VPS13B: variants seen among roughly 807,000 people sequenced by gnomAD.
VPS13B encodes the protein vacuolar protein sorting 13 homolog B.
In VPS13B, 285 loss-of-function variants were observed where a neutral mutation model predicts 426.4. The ratio of observed to expected loss-of-function variants is 0.67; its 90% CI spans 0.61 to 0.74. The LOEUF (loss-of-function observed/expected upper bound fraction) is 0.74. VPS13B is among the 30% of genes least tolerant of loss of function. The pLI, the probability that VPS13B is intolerant of heterozygous loss-of-function variation, is 0.00. For synonymous variants in VPS13B, 1,676 were observed against 1,676.4 expected, an observed-to-expected ratio of 1.00 and a Z score of 0.01; for missense variants, 4,537 against 4,782.6, an observed-to-expected ratio of 0.95 and a Z score of 1.51.
intron 4 of VPS13B, among the ~76,000 whole-genome samples, chr8:99,097,803 T>A (rs1490847760): frequency 6.6e-6 from 1 of 152,120 alleles, no homozygotes; most frequent in Non-Finnish European, 1.5e-5. Flanking sequence ...AAGATACACA[T>A]TGACTTTGTA....
At chr8:99,048,814 C>CAAA (rs60561427) in intron 3 of VPS13B, among the ~76,000 whole-genome samples, 15 of 146,380 alleles carry the variant, frequency 1.0e-4, no homozygotes, top group Non-Finnish European at 2.0e-4. Context: ...AACTCTGTCT[C>CAAA]AAAAAAAAAA....
intron 36 of VPS13B, among the ~76,000 whole-genome samples, chr8:99,704,042 G>A (rs1832398123): frequency 1.3e-5 from 2 of 152,086 alleles, no homozygotes; most frequent in African/African-American, 4.8e-5. Context: ...AGTCAGAATA[G>A]GGAAGAAGTT....
At chr8:99,821,860 C>T (rs182484653) in intron 50 of VPS13B, among the ~76,000 whole-genome samples, 2 of 152,176 alleles carry the variant, frequency 1.3e-5, no homozygotes, top group Admixed American at 6.5e-5. Flanking sequence ...GACAAAGGCT[C>T]CTCCTGCAGC....
At chr8:99,664,912 T>G (rs1046103019) in intron 35 of VPS13B, among the ~76,000 whole-genome samples, 7 of 152,202 alleles carry the variant, frequency 4.6e-5, no homozygotes, top group Non-Finnish European at 1.0e-4. Flanking sequence ...CACAATGGTT[T>G]AACTAGTTTA....
Position 99,038,470 on chromosome 8 carries a change from GAGGAT to G in VPS13B, c.196_200del (p.Arg66SerfsTer26). On this transcript the variant is annotated frameshift_variant, in exon 3 of 62. Transcript: ENST00000357162. LOFTEE classifies it high-confidence loss of function. The stretch of plus-strand genomic sequence containing the variant: ...TTTTAAGTGGACATATTCATGAATT[GAGGAT>G]TCATGTACCATGGACAAAACTGGGT... 6.2e-7 allele frequency: 1 copy of G among 1,608,944 alleles called. No individual in the cohort carries two copies. Among genetic ancestry groups the G allele is most frequent in the Non-Finnish European group, 8.5e-7 (1 of 1,176,766 alleles).
rs555207447 is a variant in VPS13B at position 99,859,424 on chromosome 8, C to T, written c.10988C>T (p.Ala3663Val). Residue 3663 changes from alanine (A) to valine (V), a missense_variant, in exon 57 of 62, where the codon GCC (alanine) becomes GTC (valine). Around this residue, in one of 2 missense-constraint regions of VPS13B, gnomAD observed 4,311 missense variants for 4,474.3 expected, o/e 0.96. Transcript: ENST00000357162. ...PYEGLTRGPG[A>V]FVSGVSRGTT... ...GAGGGGCTGACCCGGGGCCCTGGAG[C>T]CTTCGTGAGTGGCGTCTCCAGAGGG... The T allele has an allele frequency of 6.2e-7, 1 of 1,614,122 alleles. No individual in the cohort carries two copies. The highest frequency in any genetic ancestry group is 8.5e-7 in the Non-Finnish European group (1 of 1,180,034).
chr8:99,637,125 T>C (rs751837014), intron 33 of VPS13B, among the ~76,000 whole-genome samples: 7 of 152,038 alleles, frequency 4.6e-5, no homozygotes, highest in Non-Finnish European at 5.9e-5. Context: ...ACAAGTTACT[T>C]TCAGAGTTAT....
chr8:99,326,451 G>GTTTTTTTTTTT (rs1563669420), intron 19 of VPS13B, among the ~76,000 whole-genome samples: 1 of 19,744 alleles, frequency 5.1e-5, no homozygotes, highest in Non-Finnish European at 1.0e-4. Context: ...TCTCTAGGTA[G>GTTTTTTTTTTT]CTTTTTTTTT....
At chr8:99,099,724 A>G (rs1317565830) in intron 4 of VPS13B, among the ~76,000 whole-genome samples, 10 of 152,224 alleles carry the variant, frequency 6.6e-5, no homozygotes, top group Non-Finnish European at 1.5e-4. Context: ...CTGAACAAGA[A>G]GTGCGAATGG....
In VPS13B at chr8:99,279,015, T is replaced by C. The variant is rs1179560245; in HGVS notation, c.2824+3761T>C. Among the ~76,000 whole-genome samples, 170 of 152,256 alleles carry C rather than the reference T, an allele frequency of 1.1e-3. 3 individuals are homozygous for C. Among genetic ancestry groups the C allele is most frequent in the Non-Finnish European group, 1.2e-4 (8 of 68,006 alleles). On this transcript the variant is annotated intron_variant, in intron 19 of 61. Coordinates refer to ENST00000357162, the MANE Select transcript of VPS13B (RefSeq NM_152564.5). ...ACAACAGGTCACATAGAGAAATAGA[T>C]GCTTCTCTGGTTCCTTTGTAGGTAG...
At chr8:99,585,135 G>A (rs1034297204) in intron 33 of VPS13B, among the ~76,000 whole-genome samples, 1 of 152,070 alleles carries the variant, frequency 6.6e-6, no homozygotes, top group African/African-American at 2.4e-5. Context: ...ATAAAGACGT[G>A]GAGGTTTCTA....
chr8:99,854,300 T>C, intron 56 of VPS13B, 44 bp downstream of exon 56: 7 of 1,593,930 alleles, frequency 4.4e-6, no homozygotes, highest in Non-Finnish European at 5.1e-6. Context: ...AGAGCCCGGG[T>C]AGAAATGACA....
intron 49 of VPS13B, among the ~76,000 whole-genome samples, chr8:99,820,770 A>G (rs1448642419): frequency 6.6e-6 from 1 of 152,174 alleles, no homozygotes; most frequent in African/African-American, 2.4e-5. Flanking sequence ...ACTCCTAAAT[A>G]AAATGTCTTT....
intron 8 of VPS13B, 150 bp downstream of exon 8, chr8:99,121,595 C>G: frequency 6.9e-7 from 1 of 1,446,164 alleles, no homozygotes; most frequent in Non-Finnish European, 9.1e-7. Flanking sequence ...AATTACATGG[C>G]TCCTCCACTT....
intron 24 of VPS13B, among the ~76,000 whole-genome samples, chr8:99,468,306 A>T (rs1392073232): frequency 1.3e-5 from 2 of 152,072 alleles, no homozygotes; most frequent in East Asian, 1.9e-4. Flanking sequence ...TTTGAGGGTA[A>T]ATAAACAAGG....
intron 8 of VPS13B, among the ~76,000 whole-genome samples, chr8:99,123,907 A>C (rs1026736966): frequency 6.6e-6 from 1 of 152,184 alleles, no homozygotes; most frequent in Admixed American, 6.5e-5. Flanking sequence ...CTGTATATTT[A>C]AGTAGAGTAA....
intron 21 of VPS13B, among the ~76,000 whole-genome samples, chr8:99,416,893 A>C (rs1588351495): frequency 1.3e-5 from 2 of 152,256 alleles, no homozygotes; most frequent in South Asian, 4.1e-4. Flanking sequence ...GTGTTACTAG[A>C]ATTTTATAGT....
intron 39 of VPS13B, among the ~76,000 whole-genome samples, chr8:99,757,470 C>T (rs1281047094): frequency 6.6e-6 from 1 of 152,124 alleles, no homozygotes; most frequent in Non-Finnish European, 1.5e-5. Flanking sequence ...GTTGTTTTGC[C>T]TAGGTTGCTT....
chr8:99,404,913 G>T (rs1815243011), intron 21 of VPS13B, among the ~76,000 whole-genome samples: 2 of 152,174 alleles, frequency 1.3e-5, no homozygotes, highest in South Asian at 2.1e-4. Context: ...AATTCAGAAG[G>T]TGAAGATCAT....
Sources: allele counts gnomAD v4.1 joint callset (sites outside exome capture counted in the v4.1 genomes callset), GRCh38; gene constraint gnomAD v4.1.1; regional missense constraint gnomAD v4.1.1; transcripts MANE v1.5; gene names NCBI Gene and HGNC (gene_info 2026-07-23, HGNC 2026-07-21).